Variants in SLC26A9 observed in about 807,000 individuals in gnomAD.
SLC26A9 encodes solute carrier family 26 member 9.
A neutral mutation model predicts 87.1 loss-of-function variants in SLC26A9; 46 were observed. The observed-to-expected ratio is 0.53, with a 90% CI of 0.42 to 0.67. SLC26A9 has a LOEUF of 0.67. SLC26A9 is among the 30% of genes least tolerant of loss of function. The probability of loss-of-function intolerance (pLI) is 0.00; values close to 1 mark genes in which losing one functional copy is unlikely to be tolerated. For synonymous variants in SLC26A9, 437 were observed against 409.1 expected, an observed-to-expected ratio of 1.07 and a Z score of -0.82; for missense variants, 927 against 1,018.3, an observed-to-expected ratio of 0.91 and a Z score of 1.22.
At chr1:205,920,269 A>C in intron 17 of SLC26A9, 39 bp from the exon 18 acceptor site, 1 of 1,612,940 alleles carries the variant, frequency 6.2e-7, no homozygotes, top group South Asian at 1.1e-5. Context: ...AAAGGAAAGG[A>C]ATGTTCTGAG....
chr1:205,915,414 C>T lies in SLC26A9; in HGVS notation c.2329-10G>A, dbSNP rs1658548038. On this transcript the variant is annotated splice_polypyrimidine_tract_variant and intron_variant, in intron 20 of 20. Coordinates refer to ENST00000367135, the MANE Select transcript of SLC26A9 (RefSeq NM_052934.4). ...TGCTCCCGAACATCTCCTGCAGGAA[C>T]CACAGGAAGGAAGTGGGAGGGGAAG... 6.2e-7 allele frequency: 1 copy of T among 1,613,782 alleles called. No individual in the cohort carries two copies. The highest frequency in any genetic ancestry group is 1.1e-5 in the South Asian group (1 of 91,070).
intron 1 of SLC26A9, among the ~76,000 whole-genome samples, chr1:205,939,540 A>G (rs1571763265): frequency 6.6e-6 from 1 of 152,030 alleles, no homozygotes; most frequent in Non-Finnish European, 1.5e-5. Context: ...AATTCCAAGA[A>G]TAGGGGTTGA....
At chr1:205,940,025 C>T (rs1659672521) in intron 1 of SLC26A9, among the ~76,000 whole-genome samples, 1 of 152,094 alleles carries the variant, frequency 6.6e-6, no homozygotes, top group Non-Finnish European at 1.5e-5. Flanking sequence ...CCCTCCTCCA[C>T]TGTGCAGGGA....
At chr1:205,939,720 A>G (rs144629191) in intron 1 of SLC26A9, among the ~76,000 whole-genome samples, 1 of 152,092 alleles carries the variant, frequency 6.6e-6, no homozygotes, top group Non-Finnish European at 1.5e-5. Flanking sequence ...GAATCCTCAG[A>G]GAGGGTGTCT....
chr1:205,928,046 G>A lies in SLC26A9; in HGVS notation c.957C>T (p.Phe319=), dbSNP rs35787276. The A allele has an allele frequency of 9.0e-4, 1,445 of 1,613,558 alleles. 16 individuals carry two copies. In the African/African-American group the frequency reaches 0.017, roughly 19 times the overall value. The part of the protein sequence containing the change: ...MQIVGEIQRG[F]PTPVSPVVSQ... ...AGACCACAGGCGACACCGGGGTGGGGAACCTGCCGAGGAGCCAGGAAGGAG... is the reference window on the plus strand; with the variant it reads ...AGACCACAGGCGACACCGGGGTGGGAAACCTGCCGAGGAGCCAGGAAGGAG... Residue 319 remains phenylalanine, a synonymous_variant, in exon 9 of 21, where the codon TTC becomes TTT. Transcript: ENST00000367135.
chr1:205,929,164 C>A, intron 7 of SLC26A9, 40 bp downstream of exon 7: 1 of 1,593,182 alleles, frequency 6.3e-7, no homozygotes, highest in South Asian at 1.1e-5. Flanking sequence ...CGTCTCACAG[C>A]CTGGCCCCCC....
chr1:205,942,190 C>T (rs1430126245), intron 1 of SLC26A9, among the ~76,000 whole-genome samples: 2 of 152,222 alleles, frequency 1.3e-5, no homozygotes, highest in East Asian at 3.9e-4. Flanking sequence ...TCCGTCTCTG[C>T]CCCAGGGTTT....
chr1:205,942,545 G>C (rs1027549311), intron 1 of SLC26A9, among the ~76,000 whole-genome samples: 13 of 152,172 alleles, frequency 8.5e-5, no homozygotes, highest in Non-Finnish European at 1.8e-4. Flanking sequence ...GTCTCAGCTG[G>C]GGACCCTCTG....
intron 20 of SLC26A9, among the ~76,000 whole-genome samples, chr1:205,916,795 A>G (rs1214852951): frequency 6.6e-6 from 1 of 152,182 alleles, no homozygotes; most frequent in Non-Finnish European, 1.5e-5. Flanking sequence ...GATAACTTTC[A>G]GGGAGTGAGA....
intron 20 of SLC26A9, 38 bp downstream of exon 20, chr1:205,917,245 C>T: frequency 6.2e-7 from 1 of 1,611,698 alleles, no homozygotes; most frequent in Non-Finnish European, 8.5e-7. Context: ...CCCCTCTTCG[C>T]CCTGCTCCCA....
intron 2 of SLC26A9, 173 bp downstream of exon 2, chr1:205,935,523 G>T (rs963124480): frequency 1.0e-6 from 1 of 970,992 alleles, no homozygotes. Flanking sequence ...CCTCCCTGGG[G>T]GTCTCAGTAC....
At position 205,914,227 on chromosome 1, in the gene SLC26A9, A is replaced by G. The variant is rs1318727564; in HGVS notation, c.*1130T>C. On this transcript the variant is annotated 3_prime_UTR_variant, in exon 21 of 21. Transcript: ENST00000367135. ...ACATCTGCATGCAGTTAGGGGATGT[A>G]GCGGATCCCTGGAGGACTTCCACCT... is the stretch of plus-strand genomic sequence containing the variant. 1 of 152,396 alleles carries G rather than the reference A, an allele frequency of 6.6e-6. No homozygotes were observed. Among genetic ancestry groups the G allele is most frequent in the East Asian group, 1.9e-4 (1 of 5,202 alleles). 9.4% of individuals were successfully genotyped at this position (152,396 alleles called of 1,614,324 possible).
intron 5 of SLC26A9, among the ~76,000 whole-genome samples, chr1:205,931,484 T>TTTTTTTTTTTTTTTA (rs71152459): frequency 8.2e-6 from 1 of 121,478 alleles, no homozygotes; most frequent in Non-Finnish European, 1.8e-5. Flanking sequence ...TTTTTTTTTT[T>TTTTTTTTTTTTTTTA]GAGACGGAGT....
intron 2 of SLC26A9, 50 bp from the exon 3 acceptor site, chr1:205,933,134 T>C: frequency 6.2e-7 from 1 of 1,611,464 alleles, no homozygotes; most frequent in East Asian, 2.2e-5. Flanking sequence ...GGCTTGGACA[T>C]TCCGTGTTGG....
At chr1:205,939,570 G>T (rs1659653203) in intron 1 of SLC26A9, among the ~76,000 whole-genome samples, 1 of 152,108 alleles carries the variant, frequency 6.6e-6, no homozygotes, top group South Asian at 2.1e-4. Context: ...GGACGTAGAA[G>T]ACAAGGGTAC....
intron 1 of SLC26A9, among the ~76,000 whole-genome samples, chr1:205,941,239 G>C (rs562670823): frequency 1.6e-4 from 24 of 152,252 alleles, no homozygotes; most frequent in African/African-American, 5.5e-4. Flanking sequence ...CACGATCTTG[G>C]CTCACCACAG....
intron 12 of SLC26A9, among the ~76,000 whole-genome samples, chr1:205,925,181 C>T (rs972894032): frequency 7.2e-5 from 11 of 152,164 alleles, no homozygotes; most frequent in African/African-American, 2.2e-4. Flanking sequence ...AGGAATGTGA[C>T]GGTCCTAGCC....
At chr1:205,924,102 T>C (rs1024385291) in intron 13 of SLC26A9, among the ~76,000 whole-genome samples, 3 of 152,178 alleles carry the variant, frequency 2.0e-5, no homozygotes, top group African/African-American at 7.2e-5. Context: ...TCTCACCACC[T>C]GCCCTTGCCC....
intron 17 of SLC26A9, 114 bp downstream of exon 17, chr1:205,921,452 C>G: frequency 1.5e-6 from 2 of 1,351,736 alleles, no homozygotes; most frequent in Non-Finnish European, 2.0e-6. Flanking sequence ...TGTTAGTCTC[C>G]CCAGTGAGCT....
Sources: allele counts gnomAD v4.1 joint callset (sites outside exome capture counted in the v4.1 genomes callset), GRCh38; gene constraint gnomAD v4.1.1; transcripts MANE v1.5; gene names NCBI Gene and HGNC (gene_info 2026-07-23, HGNC 2026-07-21).